Variants in ICA1L observed in about 807,000 individuals in gnomAD.
The protein encoded by ICA1L is islet cell autoantigen 1 like.
In ICA1L, 50 loss-of-function variants were observed where a neutral mutation model predicts 61.3. The observed-to-expected ratio is 0.82, with a 90% CI of 0.65 to 1.03. The LOEUF (loss-of-function observed/expected upper bound fraction) is 1.03, where lower values mean the gene tolerates loss of function less well. ICA1L is among the 50% of genes least tolerant of loss of function. The pLI, the probability that ICA1L is intolerant of heterozygous loss-of-function variation, is 0.00. For synonymous variants in ICA1L, 161 were observed against 191.3 expected, an observed-to-expected ratio of 0.84 and a Z score of 1.31; for missense variants, 508 against 556.7, an observed-to-expected ratio of 0.91 and a Z score of 0.88.
chr2:202,823,558 C>T (rs376413292), intron 3 of ICA1L, among the ~76,000 whole-genome samples: 36 of 152,210 alleles, frequency 2.4e-4, no homozygotes, highest in African/African-American at 8.2e-4. Context: ...GCCATAAGGT[C>T]GTTAGTAATC....
intron 1 of ICA1L, among the ~76,000 whole-genome samples, chr2:202,846,834 A>C (rs556071753): frequency 1.4e-3 from 209 of 152,368 alleles, no homozygotes; most frequent in African/African-American, 4.9e-3. Flanking sequence ...GTAAGTGCAT[A>C]TAAAAATATC....
chr2:202,790,462 C>T (rs1044070752), intron 10 of ICA1L, among the ~76,000 whole-genome samples: 1 of 152,116 alleles, frequency 6.6e-6, no homozygotes, highest in Non-Finnish European at 1.5e-5. Flanking sequence ...TCCCATCTTC[C>T]CGCTTTCCAA....
rs1339792469 is a variant in ICA1L at position 202,774,879 on chromosome 2, C to T, written c.*4654G>A. 2.0e-5 allele frequency: 3 copies of T among 152,284 alleles called. No homozygotes were observed. Among genetic ancestry groups the T allele is most frequent in the Non-Finnish European group, 4.4e-5 (3 of 68,094 alleles). 9.4% of individuals were successfully genotyped at this position (152,284 alleles called of 1,614,324 possible). On this transcript the variant is annotated 3_prime_UTR_variant, in exon 13 of 13. Transcript: ENST00000358299. ...TACACTACAAATGTAAAAACATACA[C>T]TGCAAAATCTCACCCACAACACCAG...
At chr2:202,799,657 G>A (rs1319147953) in intron 9 of ICA1L, among the ~76,000 whole-genome samples, 1 of 152,014 alleles carries the variant, frequency 6.6e-6, no homozygotes. Flanking sequence ...TGTTCTCTGT[G>A]CTTTTGAGGT....
In ICA1L at chr2:202,862,833, A is replaced by G. The variant is rs181357017; in HGVS notation, c.-8+8786T>C. Among the ~76,000 whole-genome samples the G allele has an allele frequency of 6.6e-5, 10 of 151,784 alleles. No homozygotes were observed. In the East Asian group the frequency reaches 1.7e-3, roughly 26 times the overall value. On this transcript the variant is annotated intron_variant, in intron 1 of 12. Transcript: ENST00000358299. ...GCGTAGGCAACAAGAGTGAGACTTC[A>G]TCTTAAAAAAAAAAGAATAAATATA...
intron 1 of ICA1L, among the ~76,000 whole-genome samples, chr2:202,832,972 T>A (rs1694054378): frequency 6.6e-6 from 1 of 152,008 alleles, no homozygotes; most frequent in Non-Finnish European, 1.5e-5. Context: ...CCCAGATTTG[T>A]GAATGACATT....
intron 10 of ICA1L, among the ~76,000 whole-genome samples, chr2:202,790,007 A>G (rs1227108498): frequency 6.6e-6 from 1 of 152,174 alleles, no homozygotes; most frequent in Non-Finnish European, 1.5e-5. Context: ...CTTACAAGAA[A>G]AGTAACTGCA....
intron 1 of ICA1L, among the ~76,000 whole-genome samples, chr2:202,830,595 T>C (rs953059022): frequency 6.6e-6 from 1 of 152,156 alleles, no homozygotes; most frequent in Non-Finnish European, 1.5e-5. Context: ...AAAAGGGAAA[T>C]ACTAAAGTAT....
intron 1 of ICA1L, among the ~76,000 whole-genome samples, chr2:202,869,234 T>C (rs986902473): frequency 1.4e-4 from 22 of 151,916 alleles, no homozygotes; most frequent in Non-Finnish European, 2.5e-4. Context: ...GGCGGGCGCC[T>C]GTAGTCCCAG....
intron 9 of ICA1L, among the ~76,000 whole-genome samples, chr2:202,809,774 T>C (rs534425341): frequency 3.9e-5 from 6 of 152,078 alleles, no homozygotes; most frequent in Admixed American, 2.0e-4. Context: ...GGGTGACAGA[T>C]TGAAATTCTG....
intron 1 of ICA1L, among the ~76,000 whole-genome samples, chr2:202,851,294 G>A (rs1694612928): frequency 6.6e-6 from 1 of 152,144 alleles, no homozygotes; most frequent in South Asian, 2.1e-4. Context: ...AGTTTGCTGA[G>A]AATGATGGTT....
rs191566379 is a variant in ICA1L at position 202,864,822 on chromosome 2, G to A, written c.-8+6797C>T. Among the ~76,000 whole-genome samples, 37 of 151,980 alleles carry A rather than the reference G, an allele frequency of 2.4e-4. No individual in the cohort carries two copies. The East Asian group carries it at 6.8e-3, about 28-fold the overall frequency. On this transcript the variant is annotated intron_variant, in intron 1 of 12. Coordinates refer to ENST00000358299, the MANE Select transcript of ICA1L (RefSeq NM_001288622.3). ...TCACCTGAGATCAGGAGTTCCAGAGGAGCCTGGCCAACATGGTGAAACTCC... is the reference window on the plus strand; with the variant it reads ...TCACCTGAGATCAGGAGTTCCAGAGAAGCCTGGCCAACATGGTGAAACTCC...
chr2:202,843,804 C>G (rs981675613), intron 1 of ICA1L, among the ~76,000 whole-genome samples: 3 of 152,218 alleles, frequency 2.0e-5, no homozygotes, highest in Admixed American at 6.5e-5. Context: ...TGGTACCCAG[C>G]GTTCAGCCAC....
At chr2:202,794,559 G>A (rs909690042) in intron 10 of ICA1L, among the ~76,000 whole-genome samples, 4 of 151,942 alleles carry the variant, frequency 2.6e-5, no homozygotes, top group African/African-American at 9.7e-5. Flanking sequence ...TTAAACAAGA[G>A]AAATCTATGA....
chr2:202,777,122 G>T lies in ICA1L; in HGVS notation c.*2411C>A, dbSNP rs1016226782. 2 of 126,048 alleles carry T rather than the reference G, an allele frequency of 1.6e-5. No individual in the cohort carries two copies. Among genetic ancestry groups the T allele is most frequent in the African/African-American group, 6.0e-5 (2 of 33,282 alleles). 7.8% of individuals were successfully genotyped at this position (126,048 alleles called of 1,614,324 possible). ...GGCTGGAGTGTAGTGGTGCAATCTC[G>T]ACTCACTGCAACCTCTGCCGCCTGG... On this transcript the variant is annotated 3_prime_UTR_variant, in exon 13 of 13. Coordinates refer to ENST00000358299, the MANE Select transcript of ICA1L (RefSeq NM_001288622.3).
chr2:202,791,502 G>C (rs1398892860), intron 10 of ICA1L, among the ~76,000 whole-genome samples: 1 of 152,184 alleles, frequency 6.6e-6, no homozygotes, highest in Non-Finnish European at 1.5e-5. Context: ...CATGAAAAGA[G>C]TCTCAACACC....
chr2:202,826,346 C>G (rs2105857091), intron 2 of ICA1L, among the ~76,000 whole-genome samples: 1 of 152,288 alleles, frequency 6.6e-6, no homozygotes, highest in African/African-American at 2.4e-5. Flanking sequence ...AGTAGACTCT[C>G]ATTTCAAAAT....
chr2:202,816,041 C>T (rs1176800475), intron 6 of ICA1L, 32 bp from the exon 7 acceptor site: 2 of 1,371,096 alleles, frequency 1.5e-6, no homozygotes, highest in East Asian at 2.5e-5. Flanking sequence ...CACTACAGTT[C>T]TGCTTCCCCT....
At chr2:202,800,560 C>T (rs1283712748) in intron 9 of ICA1L, among the ~76,000 whole-genome samples, 1 of 152,094 alleles carries the variant, frequency 6.6e-6, no homozygotes, top group African/African-American at 2.4e-5. Flanking sequence ...CATTGGTTTA[C>T]TCAGTATAGA....
Sources: gnomAD v4.1 joint callset for allele counts (sites outside exome capture counted in the v4.1 genomes callset) on GRCh38, gnomAD v4.1.1 for gene constraint, MANE v1.5 for transcripts, NCBI Gene and HGNC (gene_info 2026-07-23, HGNC 2026-07-21) for gene names.